ITGA11: variants seen among roughly 807,000 people sequenced by gnomAD.
ITGA11 encodes the protein integrin alpha-11.
In ITGA11, 97 loss-of-function variants were observed where a neutral mutation model predicts 141.9. The observed-to-expected ratio is 0.68, with a 90% CI of 0.58 to 0.81. The LOEUF (loss-of-function observed/expected upper bound fraction) is 0.81. ITGA11 is among the 30% of genes least tolerant of loss of function. The probability of loss-of-function intolerance (pLI) is 0.00; values close to 1 mark genes in which losing one functional copy is unlikely to be tolerated. For missense variants in ITGA11, 1,387 were observed against 1,559.2 expected, an observed-to-expected ratio of 0.89 and a Z score of 1.86; for synonymous variants, 658 against 624.6, an observed-to-expected ratio of 1.05 and a Z score of -0.80.
chr15:68,299,796 G>C lies in ITGA11; in HGVS notation c.*3263C>G, dbSNP rs545778763. ...GAATTTATCTTGTGAAGACCTCTAG[G>C]GATGGAAAGGTCCACACTGTCTCCT... On this transcript the variant is annotated 3_prime_UTR_variant, in exon 30 of 30. Transcript: ENST00000315757. 6.6e-6 allele frequency: 1 copy of C among 152,256 alleles called. No individual in the cohort carries two copies. The allele number at this position is 152,256 out of a possible 1,614,324, so 9.4% of individuals were successfully genotyped here.
intron 2 of ITGA11, among the ~76,000 whole-genome samples, chr15:68,393,292 A>C (rs898871016): frequency 6.6e-6 from 1 of 152,216 alleles, no homozygotes; most frequent in Non-Finnish European, 1.5e-5. Flanking sequence ...AAAGGAGAGA[A>C]GAAATGGGAC....
intron 1 of ITGA11, among the ~76,000 whole-genome samples, chr15:68,407,710 G>A (rs1030356706): frequency 6.6e-6 from 1 of 152,144 alleles, no homozygotes; most frequent in Non-Finnish European, 1.5e-5. Context: ...GTCAACTGTT[G>A]CTCCCTTTCT....
Position 68,313,845 on chromosome 15 carries a change from G to A in ITGA11, c.2816C>T (p.Thr939Ile). Residue 939 changes from threonine to isoleucine, a missense_variant, in exon 23 of 30, where the codon ACC becomes ATC. Physicochemically the swap from Thr to Ile is moderately conservative, Grantham distance 89 (BLOSUM62 -1). Coordinates refer to ENST00000315757, the MANE Select transcript of ITGA11 (RefSeq NM_001004439.2). ...AGSDSNERDS[T>I]KEDNVAPLRF... is the part of the protein sequence containing the mutation. ...TAAGGGGGCCACGTTGTCTTCCTTGGTGCTGTCCCGCTCATTACTGTCACT... is the reference window on the plus strand; with the variant it reads ...TAAGGGGGCCACGTTGTCTTCCTTGATGCTGTCCCGCTCATTACTGTCACT... 1.2e-6 allele frequency: 2 copies of A among 1,613,940 alleles called. No individual in the cohort carries two copies.
chr15:68,377,129 C>T (rs1480542326), intron 2 of ITGA11, among the ~76,000 whole-genome samples: 4 of 152,200 alleles, frequency 2.6e-5, no homozygotes, highest in African/African-American at 7.2e-5. Context: ...TTACTTCTTT[C>T]GGTCATAAGA....
intron 2 of ITGA11, among the ~76,000 whole-genome samples, chr15:68,371,500 G>A (rs1895587868): frequency 6.6e-6 from 1 of 152,148 alleles, no homozygotes; most frequent in Non-Finnish European, 1.5e-5. Context: ...ATCACCTGAA[G>A]TCAGGAGTTC....
chr15:68,356,160 A>G (rs377410641), intron 7 of ITGA11, among the ~76,000 whole-genome samples: 15 of 152,030 alleles, frequency 9.9e-5, no homozygotes, highest in African/African-American at 3.6e-4. Flanking sequence ...CAGTGGCACC[A>G]TCTTGGCTCA....
Position 68,339,499 on chromosome 15 carries a change from C to T in ITGA11, c.1276+1G>A, listed in dbSNP as rs1376514222. On this transcript the variant is annotated splice_donor_variant, in intron 11 of 29. Transcript: ENST00000315757. LOFTEE classifies it high-confidence loss of function. ...AGCCTCCCCTCACTCTGCGCTCTTA[C>T]CCAGGTATGCACCATGGTTCTTGAG... The T allele has an allele frequency of 1.2e-6, 2 of 1,612,122 alleles. No homozygotes were observed. Among genetic ancestry groups the T allele is most frequent in the South Asian group, 1.1e-5 (1 of 90,652 alleles).
intron 26 of ITGA11, among the ~76,000 whole-genome samples, chr15:68,310,270 GA>G (rs1417962409): frequency 6.6e-6 from 1 of 152,170 alleles, no homozygotes; most frequent in African/African-American, 2.4e-5. Context: ...CAAACAATTA[GA>G]ATTTATTAGG....
Position 68,321,359 on chromosome 15 carries a change from C to T in ITGA11, c.2408+59G>A, listed in dbSNP as rs936588885. 9.0e-7 allele frequency: 1 copy of T among 1,113,282 alleles called. No individual in the cohort carries two copies. The highest frequency in any genetic ancestry group is 1.7e-5 in the African/African-American group (1 of 60,080). The allele number at this position is 1,113,282 out of a possible 1,614,324, so 69.0% of individuals were successfully genotyped here. On this transcript the variant is annotated intron_variant, in intron 19 of 29. Coordinates refer to ENST00000315757, the MANE Select transcript of ITGA11 (RefSeq NM_001004439.2). The surrounding 1 kb of genome is among the most constrained non-coding windows in gnomAD (Gnocchi z 4.9). ...AAATAATCCAGGGCCCCAGGAGCCC[C>T]AGAGCCTCTGGCAGTGAAGGGGAAG...
chr15:68,400,734 TATATATTATATAATAAATATTATA>T (rs1226845737), intron 2 of ITGA11, among the ~76,000 whole-genome samples: 3 of 24,294 alleles, frequency 1.2e-4, no homozygotes, highest in African/African-American at 7.6e-4. Context: ...TAATAAATAT[TATATATTATATAATAAATATTATA>T]ATATTATATA....
intron 2 of ITGA11, among the ~76,000 whole-genome samples, chr15:68,379,243 C>T (rs2140373823): frequency 6.6e-6 from 1 of 152,360 alleles, no homozygotes; most frequent in South Asian, 2.1e-4. Flanking sequence ...CCATTCCATC[C>T]ACCCTTCAGT....
intron 2 of ITGA11, among the ~76,000 whole-genome samples, chr15:68,372,673 G>A (rs188516110): frequency 6.6e-6 from 1 of 152,274 alleles, no homozygotes; most frequent in East Asian, 1.9e-4. Context: ...CTGCACTCTG[G>A]AAGGCCGGAC....
chr15:68,372,099 C>T (rs1322958882), intron 2 of ITGA11, among the ~76,000 whole-genome samples: 1 of 152,192 alleles, frequency 6.6e-6, no homozygotes. Flanking sequence ...CTGGAGTTCT[C>T]CTGGGACAGC....
chr15:68,414,930 G>A (rs1211502117), intron 1 of ITGA11, among the ~76,000 whole-genome samples: 2 of 152,222 alleles, frequency 1.3e-5, no homozygotes, highest in African/African-American at 4.8e-5. Context: ...TGCCAAGCCA[G>A]TTCTTACCAC....
Position 68,302,975 on chromosome 15 carries a change from G to T in ITGA11, c.*84C>A. ...GCCAGCTGGCTTCCTCTCCGCTCCA[G>T]CTCGGTGGGGCCACAGGCCTGGGTC... On this transcript the variant is annotated 3_prime_UTR_variant, in exon 30 of 30. Transcript: ENST00000315757. 2 of 1,163,830 alleles carry T rather than the reference G, an allele frequency of 1.7e-6. No individual in the cohort carries two copies. Among genetic ancestry groups the T allele is most frequent in the Non-Finnish European group, 2.4e-6 (2 of 819,394 alleles). The allele number at this position is 1,163,830 out of a possible 1,614,324, so 72.1% of individuals were successfully genotyped here. A position where few individuals can be genotyped will look rare whatever the true frequency, so the allele number is the denominator to read the frequency against.
At chr15:68,423,534 G>C (rs953281868) in intron 1 of ITGA11, among the ~76,000 whole-genome samples, 1 of 152,194 alleles carries the variant, frequency 6.6e-6, no homozygotes, top group African/African-American at 2.4e-5. Context: ...TGTTAGAGGT[G>C]AGTCCTGAAT....
chr15:68,324,996 A>C lies in ITGA11; in HGVS notation c.2322+135T>G. 1.5e-6 allele frequency: 1 copy of C among 689,360 alleles called. No homozygotes were observed. The highest frequency in any genetic ancestry group is 2.1e-5 in the Admixed American group (1 of 47,328). 42.7% of individuals were successfully genotyped at this position (689,360 alleles called of 1,614,324 possible). On this transcript the variant is annotated intron_variant, in intron 18 of 29. Coordinates refer to ENST00000315757, the MANE Select transcript of ITGA11 (RefSeq NM_001004439.2). This position sits in a 1 kb window ranked among gnomAD's most constrained non-coding sequence, Gnocchi z 6.3. The stretch of plus-strand genomic sequence containing the variant: ...GAAGGAGCCACACTGTGGGTTTGCC[A>C]GGACAGGAGGTGGGAAGGTGAGATG...
At chr15:68,413,628 C>T (rs1896826233) in intron 1 of ITGA11, among the ~76,000 whole-genome samples, 4 of 152,182 alleles carry the variant, frequency 2.6e-5, no homozygotes, top group Admixed American at 2.0e-4. Flanking sequence ...CCTCTCTGGG[C>T]CTCAGCTTCC....
At chr15:68,331,735 G>T in intron 14 of ITGA11, 124 bp downstream of exon 14, 2 of 834,884 alleles carry the variant, frequency 2.4e-6, no homozygotes, top group Non-Finnish European at 3.8e-6. Context: ...AGGACAGATT[G>T]GCATCCGTTT....
Sources: allele counts gnomAD v4.1 joint callset (sites outside exome capture counted in the v4.1 genomes callset), GRCh38; gene constraint gnomAD v4.1.1; non-coding constraint Gnocchi (gnomAD v3.1); transcripts MANE v1.5; gene names NCBI Gene and HGNC (gene_info 2026-07-23, HGNC 2026-07-21).